CCDC83: variants seen among roughly 807,000 people sequenced by gnomAD.
CCDC83 encodes the protein coiled-coil domain containing 83.
Under a neutral mutation model 50.1 loss-of-function variants are expected in CCDC83, and 54 were observed. The ratio of observed to expected loss-of-function variants is 1.08; its 90% CI spans 0.87 to 1.35. The LOEUF (loss-of-function observed/expected upper bound fraction) is 1.35. Among genes scored for constraint, CCDC83 ranks in the 40% most tolerant of loss-of-function variants. The pLI is 0.00. For synonymous variants in CCDC83, 161 were observed against 153.3 expected (o/e 1.05, Z -0.37); for missense variants, 518 against 473.9 (o/e 1.09, Z -0.86).
intron 8 of CCDC83, among the ~76,000 whole-genome samples, chr11:85,911,980 G>A (rs2093456795): frequency 6.6e-6 from 1 of 151,836 alleles, no homozygotes; most frequent in Admixed American, 6.6e-5. Flanking sequence ...AAAAAAAAAA[G>A]TCTTAATATA....
intron 1 of CCDC83, among the ~76,000 whole-genome samples, chr11:85,864,731 CATTT>C (rs2093197173): frequency 1.3e-5 from 2 of 152,092 alleles, no homozygotes; most frequent in South Asian, 4.1e-4. Flanking sequence ...AATTAATAGA[CATTT>C]AATTAATGTC....
chr11:85,889,551 A>G (rs575683109), intron 5 of CCDC83, among the ~76,000 whole-genome samples: 1 of 152,324 alleles, frequency 6.6e-6, no homozygotes, highest in South Asian at 2.1e-4. Context: ...CCATCCAGGT[A>G]GCAGCAGCCA....
At chr11:85,877,741 T>C (rs2093276885) in intron 3 of CCDC83, among the ~76,000 whole-genome samples, 1 of 152,218 alleles carries the variant, frequency 6.6e-6, no homozygotes. Flanking sequence ...GGATTGAATT[T>C]AGAGGCCACT....
At chr11:85,859,173 AAAAAAAAC>A (rs1321536056) in intron 1 of CCDC83, among the ~76,000 whole-genome samples, 4 of 149,176 alleles carry the variant, frequency 2.7e-5, no homozygotes, top group Admixed American at 1.3e-4. Flanking sequence ...AAAAAAAAAA[AAAAAAAAC>A]CCCTAGGAAT....
intron 3 of CCDC83, among the ~76,000 whole-genome samples, chr11:85,876,595 C>A (rs981710976): frequency 3.3e-5 from 5 of 152,220 alleles, no homozygotes; most frequent in Non-Finnish European, 7.3e-5. Context: ...ATCTCCACCT[C>A]CCAGTTTCGA....
At chr11:85,888,306 G>T (rs762215501) in intron 5 of CCDC83, among the ~76,000 whole-genome samples, 1 of 152,080 alleles carries the variant, frequency 6.6e-6, no homozygotes, top group Non-Finnish European at 1.5e-5. Context: ...AACAGGGGGT[G>T]GTATCCAAAT....
intron 4 of CCDC83, among the ~76,000 whole-genome samples, chr11:85,885,803 T>C: frequency 6.6e-6 from 1 of 152,252 alleles, no homozygotes; most frequent in East Asian, 1.9e-4. Context: ...AAATCACTTT[T>C]GCTCAGAGGG....
At chr11:85,883,086 T>C (rs1471356613) in intron 4 of CCDC83, among the ~76,000 whole-genome samples, 1 of 152,078 alleles carries the variant, frequency 6.6e-6, no homozygotes, top group East Asian at 1.9e-4. Context: ...CCTGAGAATT[T>C]TGTTCCTTTT....
At chr11:85,878,711 G>A (rs956671570) in intron 3 of CCDC83, among the ~76,000 whole-genome samples, 3 of 151,530 alleles carry the variant, frequency 2.0e-5, no homozygotes, top group Non-Finnish European at 2.9e-5. Context: ...TTCAATTGCT[G>A]GGTAGTATGA....
chr11:85,872,592 G>C (rs565663132), intron 2 of CCDC83, among the ~76,000 whole-genome samples: 49 of 152,264 alleles, frequency 3.2e-4, no homozygotes, highest in Non-Finnish European at 6.5e-4. Context: ...CATGTTTAAA[G>C]AGATACACTA....
chr11:85,857,905 C>T (rs2093151982), intron 1 of CCDC83, among the ~76,000 whole-genome samples: 1 of 152,216 alleles, frequency 6.6e-6, no homozygotes, highest in Non-Finnish European at 1.5e-5. Flanking sequence ...TTTGTCACCA[C>T]CACAGGCTGT....
intron 7 of CCDC83, among the ~76,000 whole-genome samples, chr11:85,902,772 A>T (rs1316297888): frequency 6.6e-6 from 1 of 152,136 alleles, no homozygotes; most frequent in Admixed American, 6.5e-5. Context: ...CACTTATACC[A>T]AAATCCAAGC....
rs188889089 is a variant in CCDC83, at chr11:85,863,379, C to A, written c.-28-1717C>A. ...GAACTGTGGTGGTATCATGATGACA[C>A]CTTTTGGTGGGAGCCTATTAAATTA... On this transcript the variant is annotated intron_variant, in intron 1 of 10. Transcript: ENST00000342404. 4.6e-5 allele frequency among the ~76,000 whole-genome samples: 7 copies of A among 152,188 alleles called. No individual in the cohort carries two copies. The East Asian group carries it at 5.8e-4, about 13-fold the overall frequency.
intron 1 of CCDC83, among the ~76,000 whole-genome samples, chr11:85,862,984 G>A (rs2093186174): frequency 6.6e-6 from 1 of 152,154 alleles, no homozygotes; most frequent in South Asian, 2.1e-4. Flanking sequence ...ATAAGCTGCA[G>A]TTAGGTAAGT....
At chr11:85,887,006 G>A (rs1279453709) in intron 5 of CCDC83, among the ~76,000 whole-genome samples, 1 of 152,026 alleles carries the variant, frequency 6.6e-6, no homozygotes, top group Non-Finnish European at 1.5e-5. Flanking sequence ...GTGTCCTGAG[G>A]CCAGGTTATA....
intron 3 of CCDC83, 24 bp downstream of exon 3, chr11:85,873,319 T>C (rs367629145): frequency 7.0e-5 from 67 of 956,674 alleles, no homozygotes; most frequent in East Asian, 1.3e-4. Context: ...TTAGAACCTA[T>C]ATATAGTCAT....
chr11:85,881,375 C>CA (rs1321360150), intron 3 of CCDC83, among the ~76,000 whole-genome samples: 3 of 149,764 alleles, frequency 2.0e-5, no homozygotes, highest in Non-Finnish European at 4.5e-5. Context: ...TCCATCCCCC[C>CA]CCAAAAAAAA....
chr11:85,870,368 C>T (rs2093230120), intron 2 of CCDC83, among the ~76,000 whole-genome samples: 1 of 152,102 alleles, frequency 6.6e-6, no homozygotes, highest in South Asian at 2.1e-4. Flanking sequence ...GCCTGCTCTA[C>T]CCATGTAAAG....
At chr11:85,911,586 T>A (rs968072157) in intron 8 of CCDC83, among the ~76,000 whole-genome samples, 184 bp downstream of exon 8, 3 of 152,230 alleles carry the variant, frequency 2.0e-5, no homozygotes, top group Admixed American at 1.3e-4. Context: ...ATTGGTACAA[T>A]GTAAAGTTTG....
Sources: gnomAD v4.1 joint callset for allele counts (sites outside exome capture counted in the v4.1 genomes callset) on GRCh38, gnomAD v4.1.1 for gene constraint, MANE v1.5 for transcripts, NCBI Gene and HGNC (gene_info 2026-07-23, HGNC 2026-07-21) for gene names.